Variants in PCNT observed in about 807,000 individuals in gnomAD.
PCNT encodes the protein kendrin.
In PCNT, 319 loss-of-function variants were observed where a neutral mutation model predicts 380.4. That is an observed-to-expected ratio of 0.84 (90% confidence interval 0.77 to 0.92). PCNT has a LOEUF of 0.92. Among genes scored for constraint, PCNT ranks in the 40% least tolerant of loss-of-function variants. The pLI is 0.00. For synonymous variants in PCNT, 1,845 were observed against 1,735.2 expected (o/e 1.06, Z -1.57); for missense variants, 4,400 against 4,255.3 (o/e 1.03, Z -0.95).
intron 14 of PCNT, among the ~76,000 whole-genome samples, chr21:46,365,501 G>A (rs2084883059): frequency 7.1e-6 from 1 of 141,484 alleles, no homozygotes; most frequent in South Asian, 2.3e-4. Context: ...ACTGCCGTGG[G>A]GTTCTGATCA....
intron 12 of PCNT, 31 bp downstream of exon 12, chr21:46,355,657 G>A: frequency 6.2e-7 from 1 of 1,610,628 alleles, no homozygotes; most frequent in Non-Finnish European, 8.5e-7. Flanking sequence ...CATGGTGTCG[G>A]CAGGTCCCGG....
chr21:46,427,556 G>T, intron 33 of PCNT, 66 bp from the exon 34 acceptor site: 2 of 1,598,958 alleles, frequency 1.3e-6, no homozygotes, highest in South Asian at 1.1e-5. Context: ...GTCACACTGC[G>T]AACTTTAGGG....
At chr21:46,354,988 G>T (rs1399025819) in intron 11 of PCNT, among the ~76,000 whole-genome samples, 1 of 152,226 alleles carries the variant, frequency 6.6e-6, no homozygotes. Context: ...AGGCATTCGT[G>T]TATCACCTGA....
At chr21:46,327,948 T>G (rs1221222787) in intron 2 of PCNT, among the ~76,000 whole-genome samples, 1 of 152,140 alleles carries the variant, frequency 6.6e-6, no homozygotes, top group African/African-American at 2.4e-5. Context: ...TCCGGGCTCC[T>G]TGGGGGCCTA....
chr21:46,378,925 A>G (rs796660742), intron 15 of PCNT, among the ~76,000 whole-genome samples: 38 of 152,268 alleles, frequency 2.5e-4, no homozygotes, highest in African/African-American at 8.7e-4. Flanking sequence ...ACCAGGAGGA[A>G]GAAGAATTGT....
intron 35 of PCNT, among the ~76,000 whole-genome samples, chr21:46,429,169 G>A (rs979231607): frequency 3.9e-5 from 6 of 152,146 alleles, no homozygotes; most frequent in African/African-American, 1.2e-4. Flanking sequence ...TTCAGCCCAC[G>A]GCCCTTGTCC....
rs34950974 is a variant in PCNT at position 46,381,589 on chromosome 21, G to A, written c.3166-105G>A. The A allele has an allele frequency of 0.14, 142,192 of 1,041,576 alleles. 10,546 individuals carry two copies. Among genetic ancestry groups the A allele is most frequent in the East Asian group, 0.22 (9,122 of 42,270 alleles). 64.5% of individuals were successfully genotyped at this position (1,041,576 alleles called of 1,614,324 possible). On this transcript the variant is annotated intron_variant, in intron 15 of 46. Coordinates refer to ENST00000359568, the MANE Select transcript of PCNT (RefSeq NM_006031.6). Reference sequence around the variant, plus strand: ...GGCTCATCCCGGCTCTTGGTGCAGAGTGGGGGCTCCATGCATATCTGCTGA... The same window carrying A: ...GGCTCATCCCGGCTCTTGGTGCAGAATGGGGGCTCCATGCATATCTGCTGA...
intron 9 of PCNT, among the ~76,000 whole-genome samples, chr21:46,351,855 G>A (rs757867467): frequency 7.9e-5 from 12 of 152,222 alleles, no homozygotes; most frequent in East Asian, 1.9e-4. Flanking sequence ...CGTTTGCCTC[G>A]GAAGGACGGT....
intron 24 of PCNT, among the ~76,000 whole-genome samples, chr21:46,399,187 C>A (rs1265396419): frequency 6.7e-6 from 1 of 148,222 alleles, no homozygotes; most frequent in East Asian, 2.0e-4. Flanking sequence ...TAGAGAATGC[C>A]TTTCTTAACA....
At chr21:46,402,085 C>T (rs903692030) in intron 26 of PCNT, among the ~76,000 whole-genome samples, 2 of 152,064 alleles carry the variant, frequency 1.3e-5, no homozygotes, top group Admixed American at 1.3e-4. Context: ...AACTCCTGAC[C>T]TCGGGTGATC....
chr21:46,437,208 T>C (rs1312627108), intron 40 of PCNT, 127 bp downstream of exon 40: 1 of 686,678 alleles, frequency 1.5e-6, no homozygotes, highest in African/African-American at 1.8e-5. Context: ...TCTGAATTCA[T>C]GGTTGCTATC....
chr21:46,339,479 A>G (rs2083854026), intron 3 of PCNT, among the ~76,000 whole-genome samples: 1 of 152,210 alleles, frequency 6.6e-6, no homozygotes, highest in South Asian at 2.1e-4. Context: ...GTCCCACAGT[A>G]AGCCATCTGC....
At chr21:46,346,107 T>C in intron 3 of PCNT, 21 bp from the exon 4 acceptor site, 1 of 1,611,718 alleles carries the variant, frequency 6.2e-7, no homozygotes, top group Non-Finnish European at 8.5e-7. Context: ...TGGACCTACA[T>C]TCTTTGCCTT....
At chr21:46,355,136 C>T (rs982980015) in intron 11 of PCNT, among the ~76,000 whole-genome samples, 1 of 152,172 alleles carries the variant, frequency 6.6e-6, no homozygotes, top group Non-Finnish European at 1.5e-5. Flanking sequence ...CGTGCCCTAC[C>T]GACCTTGCTG....
chr21:46,444,861 T>C lies in PCNT; in HGVS notation c.9967+40T>C, dbSNP rs752704594. The C allele has an allele frequency of 1.0e-5, 16 of 1,599,154 alleles. No individual in the cohort carries two copies. In the South Asian group the frequency reaches 1.8e-4, roughly 18 times the overall value. ...CGCCGAGTATTTATTAAGCTGATTATCACTGTACCCTGGAAACGTAGGGTC... is the reference window on the plus strand; with the variant it reads ...CGCCGAGTATTTATTAAGCTGATTACCACTGTACCCTGGAAACGTAGGGTC... On this transcript the variant is annotated intron_variant, in intron 46 of 46. Transcript: ENST00000359568.
chr21:46,444,011 C>T (rs566122310), intron 45 of PCNT, 63 bp downstream of exon 45: 1 of 1,542,578 alleles, frequency 6.5e-7, no homozygotes, highest in East Asian at 2.3e-5. Context: ...TACATAGGGC[C>T]TCAGAGAAAT....
Position 46,443,921 on chromosome 21 carries a change from C to G in PCNT, c.9812C>G (p.Ala3271Gly), listed in dbSNP as rs750888686. ...RDPARGRRLA[A>G]AASPHSGGRA... ...CCTGCCAGAGGCCGCAGACTGGCAGCAGCAGCCTCCCCACACAGTGGGGGA... is the reference window on the plus strand; with the variant it reads ...CCTGCCAGAGGCCGCAGACTGGCAGGAGCAGCCTCCCCACACAGTGGGGGA... Residue 3271 changes from alanine to glycine, a missense_variant, in exon 45 of 47, where the codon GCA becomes GGA. By Grantham distance (60) the Ala-to-Gly change is moderately conservative. Coordinates refer to ENST00000359568, the MANE Select transcript of PCNT (RefSeq NM_006031.6). The G allele has an allele frequency of 6.2e-7, 1 of 1,612,446 alleles. No homozygotes were observed. Among genetic ancestry groups the G allele is most frequent in the Non-Finnish European group, 8.5e-7 (1 of 1,179,950 alleles).
intron 16 of PCNT, among the ~76,000 whole-genome samples, chr21:46,384,512 G>A (rs1349756557): frequency 6.8e-6 from 1 of 146,370 alleles, no homozygotes. Context: ...ATTCAGTGAC[G>A]GAAGAGCATT....
At chr21:46,419,329 G>A (rs1473063329) in intron 31 of PCNT, among the ~76,000 whole-genome samples, 1 of 152,184 alleles carries the variant, frequency 6.6e-6, no homozygotes, top group Non-Finnish European at 1.5e-5. Context: ...AGCAGCCTGT[G>A]TCCCAGCTCC....
Sources: allele counts gnomAD v4.1 joint callset (sites outside exome capture counted in the v4.1 genomes callset), GRCh38; gene constraint gnomAD v4.1.1; transcripts MANE v1.5; gene names NCBI Gene and HGNC (gene_info 2026-07-23, HGNC 2026-07-21).